Variants in GALNTL6 observed in about 807,000 individuals in gnomAD.
The protein encoded by GALNTL6 is polypeptide N-acetylgalactosaminyltransferase-like 6.
Under a neutral mutation model 73.7 loss-of-function variants are expected in GALNTL6, and 46 were observed. The ratio of observed to expected loss-of-function variants is 0.62; its 90% confidence interval spans 0.49 to 0.80. The LOEUF (loss-of-function observed/expected upper bound fraction) is 0.80. GALNTL6 is among the 30% of genes least tolerant of loss of function. The probability of loss-of-function intolerance (pLI) is 0.00; values close to 1 mark genes in which losing one functional copy is unlikely to be tolerated. For synonymous variants in GALNTL6, 259 were observed against 263.7 expected (o/e 0.98, Z 0.17); for missense variants, 604 against 755.0 (o/e 0.80, Z 2.34).
intron 2 of GALNTL6, among the ~76,000 whole-genome samples, chr4:171,991,521 CT>C (rs1161516710): frequency 6.6e-6 from 1 of 151,696 alleles, no homozygotes; most frequent in Non-Finnish European, 1.5e-5. Context: ...AATATCAAGA[CT>C]TTTTACATAG....
chr4:172,802,187 T>C (rs1740687313), intron 5 of GALNTL6, among the ~76,000 whole-genome samples: 1 of 152,130 alleles, frequency 6.6e-6, no homozygotes, highest in South Asian at 2.1e-4. Flanking sequence ...GCAGGCCAAG[T>C]ATTACCAGCA....
rs139772995 is a variant in GALNTL6 at position 172,152,166 on chromosome 4, C to T, written c.139-77490C>T. 6.6e-3 allele frequency among the ~76,000 whole-genome samples: 1,010 copies of T among 152,022 alleles called. 17 individuals carry two copies. Among genetic ancestry groups the T allele is most frequent in the African/African-American group, 0.023 (959 of 41,486 alleles). On this transcript the variant is annotated intron_variant, in intron 2 of 12. Transcript: ENST00000506823. ...TAAATTTTTGTATTTTTAGTAGAGA[C>T]GGGGTTTCACCCTGTTGGTCAGGCT... is the stretch of plus-strand genomic sequence containing the variant.
intron 5 of GALNTL6, among the ~76,000 whole-genome samples, chr4:172,565,751 G>A (rs1736530830): frequency 8.7e-6 from 1 of 115,392 alleles, no homozygotes; most frequent in Non-Finnish European, 2.1e-5. Flanking sequence ...TCTTTCTTGG[G>A]AGGTTTATGG....
intron 5 of GALNTL6, among the ~76,000 whole-genome samples, chr4:172,686,451 A>G (rs967649272): frequency 4.0e-5 from 6 of 150,594 alleles, no homozygotes; most frequent in Admixed American, 2.0e-4. Flanking sequence ...TTTTTCTCCA[A>G]AGGAATCTAC....
Position 172,527,616 on chromosome 4 carries a change from C to T in GALNTL6, c.553+178927C>T, listed in dbSNP as rs531544910. ...TACCACTTTGCATATAACCAGGTTT[C>T]ACGTTGCTTTTAGGAACCCTCTTGC... is the stretch of plus-strand genomic sequence containing the variant. On this transcript the variant is annotated intron_variant, in intron 5 of 12. Coordinates refer to ENST00000506823, the MANE Select transcript of GALNTL6 (RefSeq NM_001034845.3). 2.8e-4 allele frequency among the ~76,000 whole-genome samples: 42 copies of T among 152,268 alleles called. No individual in the cohort carries two copies. In the South Asian group the frequency reaches 8.7e-3, roughly 32 times the overall value.
At chr4:171,914,435 T>TC (rs1737558594) in intron 2 of GALNTL6, among the ~76,000 whole-genome samples, 1 of 148,732 alleles carries the variant, frequency 6.7e-6, no homozygotes, top group Non-Finnish European at 1.5e-5. Context: ...GTACTTTTTT[T>TC]TTTTTTTTTT....
intron 2 of GALNTL6, among the ~76,000 whole-genome samples, chr4:172,110,679 C>T (rs1732825621): frequency 6.6e-6 from 1 of 152,118 alleles, no homozygotes. Flanking sequence ...TTAATAAATG[C>T]TTTCTATGCC....
At chr4:172,578,609 T>C (rs1737051172) in intron 5 of GALNTL6, among the ~76,000 whole-genome samples, 1 of 152,242 alleles carries the variant, frequency 6.6e-6, no homozygotes, top group South Asian at 2.1e-4. Flanking sequence ...TTCCACGTGA[T>C]TTATTAATTT....
intron 2 of GALNTL6, among the ~76,000 whole-genome samples, chr4:172,196,141 A>G (rs1735761223): frequency 6.6e-6 from 1 of 152,130 alleles, no homozygotes; most frequent in Non-Finnish European, 1.5e-5. Flanking sequence ...CAGAAATACA[A>G]ACAACATACA....
intron 3 of GALNTL6, among the ~76,000 whole-genome samples, chr4:172,285,489 AT>A (rs1739214458): frequency 6.6e-6 from 1 of 152,146 alleles, no homozygotes; most frequent in Non-Finnish European, 1.5e-5. Context: ...AAAGTAATAA[AT>A]TCTAGAAAGC....
chr4:172,424,216 T>A (rs1731150199), intron 5 of GALNTL6, among the ~76,000 whole-genome samples: 1 of 152,132 alleles, frequency 6.6e-6, no homozygotes, highest in African/African-American at 2.4e-5. Flanking sequence ...TTTTTGATTT[T>A]GTTATTTTTT....
At chr4:172,078,684 C>T (rs566843168) in intron 2 of GALNTL6, among the ~76,000 whole-genome samples, 10 of 152,102 alleles carry the variant, frequency 6.6e-5, no homozygotes, top group Admixed American at 4.6e-4. Flanking sequence ...TTTAATATGG[C>T]GCTGTCTTGG....
chr4:172,057,693 C>A (rs1226668993), intron 2 of GALNTL6, among the ~76,000 whole-genome samples: 1 of 107,704 alleles, frequency 9.3e-6, no homozygotes, highest in Non-Finnish European at 1.7e-5. Context: ...GTGACACAGA[C>A]CCTGTCTCAA....
intron 2 of GALNTL6, among the ~76,000 whole-genome samples, chr4:172,096,293 C>T (rs1732357018): frequency 6.6e-6 from 1 of 152,076 alleles, no homozygotes; most frequent in Non-Finnish European, 1.5e-5. Flanking sequence ...AGGGGTCTCA[C>T]TATGCTGCCC....
chr4:172,040,818 T>C (rs142414258), intron 2 of GALNTL6, among the ~76,000 whole-genome samples: 4 of 152,220 alleles, frequency 2.6e-5, no homozygotes, highest in African/African-American at 9.6e-5. Context: ...TCATAATTAT[T>C]TGTTATTATC....
At position 172,387,997 on chromosome 4, in the gene GALNTL6, C is replaced by G. The variant is rs190987580; in HGVS notation, c.553+39308C>G. The stretch of plus-strand genomic sequence containing the variant: ...ACAAATGTACCTCTTTTAAAGCAGT[C>G]ATACCTTTCATCACAAAGTATAGTT... On this transcript the variant is annotated intron_variant, in intron 5 of 12. Coordinates refer to ENST00000506823, the MANE Select transcript of GALNTL6 (RefSeq NM_001034845.3). 5.1e-3 allele frequency among the ~76,000 whole-genome samples: 772 copies of G among 152,228 alleles called. 5 individuals are homozygous for G. The highest frequency in any genetic ancestry group is 6.4e-3 in the Non-Finnish European group (438 of 67,970).
intron 2 of GALNTL6, among the ~76,000 whole-genome samples, chr4:172,030,443 G>A (rs926834961): frequency 4.6e-5 from 7 of 152,084 alleles, no homozygotes; most frequent in African/African-American, 1.7e-4. Context: ...GGGCACAGTG[G>A]CTCACTCCTG....
chr4:171,920,210 C>A (rs1465310004), intron 2 of GALNTL6, among the ~76,000 whole-genome samples: 3 of 151,818 alleles, frequency 2.0e-5, no homozygotes, highest in African/African-American at 7.3e-5. Context: ...AGGGGAACAT[C>A]ACACACCGGG....
rs1740979869 is a variant in GALNTL6 at position 172,010,688 on chromosome 4, A to G, written c.138+195970A>G. On this transcript the variant is annotated intron_variant, in intron 2 of 12. Transcript: ENST00000506823. ...TAACACTTACTAGCAACTACTTTCC[A>G]CAAGTCAGTAGCTAAGAGCATGGCA... Among the ~76,000 whole-genome samples, 2 of 152,044 alleles carry G rather than the reference A, an allele frequency of 1.3e-5. 1 individual carries two copies. The highest frequency in any genetic ancestry group is 4.2e-4 in the South Asian group (2 of 4,816).
Sources: gnomAD v4.1 joint callset for allele counts (sites outside exome capture counted in the v4.1 genomes callset) on GRCh38, gnomAD v4.1.1 for gene constraint, MANE v1.5 for transcripts, NCBI Gene and HGNC (gene_info 2026-07-23, HGNC 2026-07-21) for gene names.